NRXN1: variants seen among roughly 807,000 people sequenced by gnomAD.
NRXN1 encodes neurexin-1.
Under a neutral mutation model 150.9 loss-of-function variants are expected in NRXN1, and 39 were observed. That is an observed-to-expected ratio of 0.26 (90% CI 0.20 to 0.34). NRXN1 has a LOEUF of 0.34. Among genes scored for constraint, NRXN1 ranks in the 10% least tolerant of loss-of-function variants. The pLI is 1.00. For synonymous variants in NRXN1, 924 were observed against 757.0 expected (o/e 1.22, Z -3.62); for missense variants, 1,815 against 1,949.9 (o/e 0.93, Z 1.30).
intron 2 of NRXN1, among the ~76,000 whole-genome samples, chr2:50,959,336 TA>T (rs1235862471): frequency 1.3e-5 from 2 of 152,022 alleles, no homozygotes; most frequent in Non-Finnish European, 2.9e-5. Context: ...TCATAACAGG[TA>T]AAATATGGAA....
At chr2:49,962,527 C>A (rs1036033456) in intron 21 of NRXN1, among the ~76,000 whole-genome samples, 4 of 152,148 alleles carry the variant, frequency 2.6e-5, no homozygotes, top group African/African-American at 9.7e-5. Flanking sequence ...ACTAAGAGTT[C>A]TATGTAACCC....
chr2:50,712,856 A>C (rs956933069), intron 5 of NRXN1, among the ~76,000 whole-genome samples: 2 of 152,168 alleles, frequency 1.3e-5, no homozygotes, highest in Admixed American at 1.3e-4. Context: ...ATGCCTTGAC[A>C]TTATTTTTCT....
rs138763270 is a variant in NRXN1 at position 50,443,136 on chromosome 2, G to T, written c.3364+22306C>A. Among the ~76,000 whole-genome samples the T allele has an allele frequency of 1.1e-4, 16 of 152,172 alleles. No individual in the cohort carries two copies. In the East Asian group the frequency reaches 2.9e-3, roughly 28 times the overall value. On this transcript the variant is annotated intron_variant, in intron 17 of 22. Coordinates refer to ENST00000401669, the MANE Select transcript of NRXN1 (RefSeq NM_001330078.2). ...AAAAGCGCATGAGGTAGATGTTTAA[G>T]GTTAGGTCAAGAGAAGCAATGTTTG...
chr2:50,646,778 T>G (rs532753735), intron 5 of NRXN1, among the ~76,000 whole-genome samples: 2 of 150,202 alleles, frequency 1.3e-5, no homozygotes, highest in African/African-American at 4.9e-5. Flanking sequence ...CAGCTGAAGT[T>G]CCACCATGAT....
intron 17 of NRXN1, among the ~76,000 whole-genome samples, chr2:50,268,527 T>C (rs1030396640): frequency 1.3e-5 from 2 of 152,136 alleles, no homozygotes; most frequent in East Asian, 1.9e-4. Flanking sequence ...CTCATGGCTA[T>C]GGAATATAAT....
At position 51,000,927 on chromosome 2, in the gene NRXN1, C is replaced by T. The variant is rs949478844; in HGVS notation, c.772+26575G>A. Among the ~76,000 whole-genome samples, 5 of 151,990 alleles carry T rather than the reference C, an allele frequency of 3.3e-5. No individual in the cohort carries two copies. The East Asian group carries it at 5.9e-4, about 18-fold the overall frequency. ...TTTCTGTTTCCATGTCAGACACATG[C>T]CTGGTTTCTGACCCTTGTCAGACCA... On this transcript the variant is annotated intron_variant, in intron 2 of 22. Transcript: ENST00000401669.
At chr2:50,102,292 T>C (rs1313348990) in intron 18 of NRXN1, among the ~76,000 whole-genome samples, 1 of 152,004 alleles carries the variant, frequency 6.6e-6, no homozygotes, top group African/African-American at 2.4e-5. Context: ...CTGCAGTGAA[T>C]TTTGTAAAAC....
intron 17 of NRXN1, among the ~76,000 whole-genome samples, chr2:50,464,827 G>C (rs2088641706): frequency 6.6e-6 from 1 of 151,842 alleles, no homozygotes; most frequent in South Asian, 2.1e-4. Context: ...TCACTGCTGT[G>C]ATATAAATTA....
chr2:50,411,056 C>T (rs374575560), intron 17 of NRXN1, among the ~76,000 whole-genome samples: 2 of 151,952 alleles, frequency 1.3e-5, no homozygotes, highest in South Asian at 2.1e-4. Flanking sequence ...CTCCCCGTCC[C>T]TCTCCCTCTC....
chr2:50,875,911 G>T (rs577556754), intron 5 of NRXN1, among the ~76,000 whole-genome samples: 1 of 151,794 alleles, frequency 6.6e-6, no homozygotes, highest in Non-Finnish European at 1.5e-5. Context: ...ACAGAATGCA[G>T]CAATAGATAC....
intron 18 of NRXN1, among the ~76,000 whole-genome samples, chr2:50,202,464 C>T (rs1396399995): frequency 6.6e-6 from 1 of 152,038 alleles, no homozygotes; most frequent in Non-Finnish European, 1.5e-5. Context: ...TGAGATCATG[C>T]TACTACATTC....
chr2:50,816,594 C>G (rs1287431713), intron 5 of NRXN1, among the ~76,000 whole-genome samples: 1 of 152,092 alleles, frequency 6.6e-6, no homozygotes, highest in Admixed American at 6.6e-5. Flanking sequence ...TCAAAGCTTA[C>G]TGATTGTTTG....
intron 18 of NRXN1, among the ~76,000 whole-genome samples, chr2:50,203,084 C>G (rs933712189): frequency 1.3e-5 from 2 of 152,064 alleles, no homozygotes; most frequent in African/African-American, 4.8e-5. Context: ...TGTGAAGAGC[C>G]TGGAGAATCA....
At chr2:50,874,315 C>A (rs1414151591) in intron 5 of NRXN1, among the ~76,000 whole-genome samples, 1 of 151,812 alleles carries the variant, frequency 6.6e-6, no homozygotes, top group African/African-American at 2.4e-5. Context: ...ATACATATAT[C>A]ATACTATCAA....
At chr2:50,649,339 T>C (rs1685271518) in intron 5 of NRXN1, among the ~76,000 whole-genome samples, 1 of 151,718 alleles carries the variant, frequency 6.6e-6, no homozygotes, top group Non-Finnish European at 1.5e-5. Context: ...AGCTGTTTTC[T>C]CTGAGATTTC....
intron 18 of NRXN1, among the ~76,000 whole-genome samples, chr2:50,178,660 T>A (rs570868582): frequency 6.6e-6 from 1 of 152,126 alleles, no homozygotes; most frequent in South Asian, 2.1e-4. Context: ...CAGCTAGAAG[T>A]GGGACATAAG....
intron 5 of NRXN1, among the ~76,000 whole-genome samples, chr2:50,646,708 C>CTTTTT (rs552231598): frequency 1.1e-3 from 123 of 107,326 alleles, no homozygotes; most frequent in African/African-American, 1.5e-3. Flanking sequence ...TTCATGTTGT[C>CTTTTT]TTTTTTTTTT....
rs191848424 is a variant in NRXN1 at position 50,262,898 on chromosome 2, T to A, written c.3365-25928A>T. 3.9e-5 allele frequency among the ~76,000 whole-genome samples: 6 copies of A among 152,014 alleles called. No individual in the cohort carries two copies. The East Asian group carries it at 1.2e-3, about 29-fold the overall frequency. On this transcript the variant is annotated intron_variant, in intron 17 of 22. Coordinates refer to ENST00000401669, the MANE Select transcript of NRXN1 (RefSeq NM_001330078.2). ...TTGCATGTGTTCTTATGTGTTGGAG[T>A]TTTTGGCAAAGAATTTAAAGTCCTT...
At chr2:49,966,279 T>G (rs1162289503) in intron 21 of NRXN1, among the ~76,000 whole-genome samples, 1 of 152,140 alleles carries the variant, frequency 6.6e-6, no homozygotes, top group Admixed American at 6.5e-5. Context: ...CTTCCTATTG[T>G]GTTTCTAGGA....
Sources: gnomAD v4.1 joint callset for allele counts (sites outside exome capture counted in the v4.1 genomes callset) on GRCh38, gnomAD v4.1.1 for gene constraint, MANE v1.5 for transcripts, NCBI Gene and HGNC (gene_info 2026-07-23, HGNC 2026-07-21) for gene names.